The following HDHD3 variants were observed in gnomAD, a reference collection of about 807,000 sequenced individuals.
The protein encoded by HDHD3 is haloacid dehalogenase like hydrolase domain containing 3, also known as haloacid dehalogenase-like hydrolase domain-containing protein 3.
In HDHD3, 6 loss-of-function variants were observed where a neutral mutation model predicts 6.9. That is an observed-to-expected ratio of 0.87 (90% CI 0.48 to 1.72). The LOEUF (loss-of-function observed/expected upper bound fraction) is 1.72. Among genes scored for constraint, HDHD3 ranks in the 40% most tolerant of loss-of-function variants. The probability of loss-of-function intolerance (pLI) is 0.01; values close to 1 mark genes in which losing one functional copy is unlikely to be tolerated. For synonymous variants in HDHD3, 139 were observed against 140.7 expected (o/e 0.99, Z 0.08); for missense variants, 308 against 327.4 (o/e 0.94, Z 0.46).
intron 1 of HDHD3, chr9:113,376,244 T>A (rs1189284917): frequency 6.8e-6 from 1 of 147,792 alleles, no homozygotes; most frequent in Non-Finnish European, 1.5e-5. Flanking sequence ...GTATTTTTAG[T>A]AGAGACGGGG....
At position 113,373,538 on chromosome 9, in the gene HDHD3, C is replaced by G. The variant is rs1029425570; in HGVS notation, c.*61G>C. On this transcript the variant is annotated 3_prime_UTR_variant, in exon 3 of 3. Transcript: ENST00000374180. ...TGTGGAGAAAGAAGGGGCTCCCTGT[C>G]TCCAGGGTTTGTTTAAGGTTTTCTC... is the stretch of plus-strand genomic sequence containing the variant. 6.7e-7 allele frequency: 1 copy of G among 1,486,710 alleles called. No homozygotes were observed. Among genetic ancestry groups the G allele is most frequent in the Non-Finnish European group, 9.0e-7 (1 of 1,115,230 alleles). The allele number at this position is 1,486,710 out of a possible 1,614,324, so 92.1% of individuals were successfully genotyped here. A position where few individuals can be genotyped will look rare whatever the true frequency, so the allele number is the denominator to read the frequency against.
intron 2 of HDHD3, 119 bp from the exon 3 acceptor site, chr9:113,374,648 AAT>A: frequency 3.0e-6 from 1 of 337,406 alleles, no homozygotes; most frequent in Non-Finnish European, 5.4e-6. Context: ...ATCCACAACA[AAT>A]TTCTGAGCAC....
Position 113,373,583 on chromosome 9 carries a change from A to G in HDHD3, c.*16T>C. 1 of 1,539,870 alleles carries G rather than the reference A, an allele frequency of 6.5e-7. No individual in the cohort carries two copies. The highest frequency in any genetic ancestry group is 1.2e-5 in the South Asian group (1 of 80,402). The stretch of plus-strand genomic sequence containing the variant: ...TTTCTCCATGGCCTAGGGCCCAGCC[A>G]CTTCCCTCACTGGCCTCAAAGCCCT... On this transcript the variant is annotated 3_prime_UTR_variant, in exon 3 of 3. Coordinates refer to ENST00000374180, the MANE Select transcript of HDHD3 (RefSeq NM_001304509.2).
rs1834392940 is a variant in HDHD3, at chr9:113,373,901, C to T, written c.454G>A (p.Glu152Lys). The T allele has an allele frequency of 1.2e-6, 2 of 1,614,252 alleles. No individual in the cohort carries two copies. Among genetic ancestry groups the T allele is most frequent in the Admixed American group, 1.7e-5 (1 of 60,034 alleles). The change falls in exon 3 of 3, where the codon GAA becomes AAA. Residue 152 changes from glutamate (E) to lysine (K), a missense_variant. Transcript: ENST00000374180. ...GAGGTCAGCACAAAGTCGAAGTGTT[C>T]ACGCAGGCCAAGGCCCCCCAGGATG... ...EGILGGLGLR[E>K]HFDFVLTSEA... is the part of the protein sequence containing the mutation.
Position 113,374,292 on chromosome 9 carries a change from G to C in HDHD3, c.63C>G (p.Leu21=), listed in dbSNP as rs1425104476. ...CATAGGCCTCCCCTAAGGGGTGGCG[G>C]AGCCTGAGCAGCGTGTCCTTCACAT... ...TWDVKDTLLR[L]RHPLGEAYAT... The change falls in exon 3 of 3, where the codon CTC becomes CTG. Residue 21 remains leucine, a synonymous_variant. Transcript: ENST00000374180. 6.5e-7 allele frequency: 1 copy of C among 1,548,730 alleles called. No individual in the cohort carries two copies. The highest frequency in any genetic ancestry group is 2.0e-5 in the Admixed American group (1 of 48,906).
chr9:113,375,160 G>A (rs1212597237), intron 2 of HDHD3, among the ~76,000 whole-genome samples: 1 of 152,210 alleles, frequency 6.6e-6, no homozygotes, highest in Non-Finnish European at 1.5e-5. Flanking sequence ...TGGGATTACA[G>A]GCATGAGCCA....
chr9:113,374,309 C>A lies in HDHD3; in HGVS notation c.46G>T (p.Asp16Tyr), dbSNP rs368863020. Residue 16 changes from aspartate (D) to tyrosine (Y), a missense_variant, in exon 3 of 3, where the codon GAC (aspartate) becomes TAC (tyrosine). Physicochemically the swap from Asp to Tyr is radical, Grantham distance 160 (BLOSUM62 -3). Transcript: ENST00000374180. Reference protein sequence around the residue: ...QIRLLTWDVKDTLLRLRHPLG... With the variant: ...QIRLLTWDVKYTLLRLRHPLG... ...GGGTGGCGGAGCCTGAGCAGCGTGT[C>A]CTTCACATCCCACGTCAGCAGTCGT... 2 of 1,530,906 alleles carry A rather than the reference C, an allele frequency of 1.3e-6. No individual in the cohort carries two copies. The highest frequency in any genetic ancestry group is 4.2e-5 in the Admixed American group (2 of 47,142). 94.8% of individuals were successfully genotyped at this position (1,530,906 alleles called of 1,614,324 possible). A position where few individuals can be genotyped will look rare whatever the true frequency, so the allele number is the denominator to read the frequency against.
chr9:113,374,873 TA>T (rs1360536063), intron 2 of HDHD3, among the ~76,000 whole-genome samples: 5 of 151,940 alleles, frequency 3.3e-5, no homozygotes, highest in Non-Finnish European at 7.4e-5. Flanking sequence ...TCTTTTTATT[TA>T]TTTTTTTTAA....
In HDHD3 at chr9:113,374,161, A is replaced by C. The variant is rs756797533; in HGVS notation, c.194T>G (p.Leu65Arg). The change falls in exon 3 of 3, where the codon CTG becomes CGG. Residue 65 changes from leucine (L) to arginine (R), a missense_variant. Transcript: ENST00000374180. ...AQSHSFPNYG[L>R]SHGLTSRQWW... is the part of the protein sequence containing the mutation. ...CTGGCGGGAGGTTAGGCCGTGGCTC[A>C]GGCCGTAGTTGGGGAAGCTGTGGCT... 33 of 1,595,420 alleles carry C rather than the reference A, an allele frequency of 2.1e-5. No homozygotes were observed.
intron 2 of HDHD3, 62 bp downstream of exon 2, chr9:113,375,391 A>C (rs986040265): frequency 6.6e-6 from 1 of 152,266 alleles, no homozygotes; most frequent in African/African-American, 2.4e-5. Flanking sequence ...CTTGCAGAGC[A>C]TATGAACGAT....
Position 113,374,428 on chromosome 9 carries a change from A to T in HDHD3, c.-74T>A. On this transcript the variant is annotated 5_prime_UTR_variant, in exon 3 of 3. Transcript: ENST00000374180. ...CCCAGGGGAAGCTGAGCTGGATAAG[A>T]CCACCTCTGCGCAACCTAACAATCA... 7.2e-7 allele frequency: 1 copy of T among 1,385,060 alleles called. No individual in the cohort carries two copies. Among genetic ancestry groups the T allele is most frequent in the South Asian group, 1.7e-5 (1 of 59,522 alleles). 85.8% of individuals were successfully genotyped at this position (1,385,060 alleles called of 1,614,324 possible). A position where few individuals can be genotyped will look rare whatever the true frequency, so the allele number is the denominator to read the frequency against.
At chr9:113,375,956 G>C (rs947890015) in intron 1 of HDHD3, 1 of 151,600 alleles carries the variant, frequency 6.6e-6, no homozygotes, top group Admixed American at 6.6e-5. Flanking sequence ...CAGAGACCCA[G>C]TGAGGGGCAG....
At chr9:113,376,132 C>T (rs1834454824) in intron 1 of HDHD3, 1 of 148,502 alleles carries the variant, frequency 6.7e-6, no homozygotes, top group Non-Finnish European at 1.5e-5. Context: ...TCTCGGCTCA[C>T]TGCAACCTCC....
At position 113,373,797 on chromosome 9, in the gene HDHD3, C is replaced by A. The variant is rs1353316431; in HGVS notation, c.558G>T (p.Val186=). ...GGTAATTATCCCCAACATGGGCTGC[C>A]ACTACTGGTTCCATATGAGCAAGCC... is the stretch of plus-strand genomic sequence containing the variant. ...ALRLAHMEPV[V]AAHVGDNYLC... Residue 186 remains valine, a synonymous_variant, in exon 3 of 3, where the codon GTG becomes GTT. Coordinates refer to ENST00000374180, the MANE Select transcript of HDHD3 (RefSeq NM_001304509.2). 2 of 1,612,642 alleles carry A rather than the reference C, an allele frequency of 1.2e-6. No homozygotes were observed. The highest frequency in any genetic ancestry group is 1.7e-6 in the Non-Finnish European group (2 of 1,178,860).
Position 113,373,879 on chromosome 9 carries a change from G to T in HDHD3, c.476C>A (p.Thr159Asn), listed in dbSNP as rs1454862698. The T allele has an allele frequency of 1.2e-6, 2 of 1,614,160 alleles. No homozygotes were observed. Among genetic ancestry groups the T allele is most frequent in the East Asian group, 4.5e-5 (2 of 44,902 alleles). Residue 159 changes from threonine (T) to asparagine (N), a missense_variant, in exon 3 of 3, where the codon ACC becomes AAC. Transcript: ENST00000374180. ...CTTGGGCCAGCCAGCAGCCTCGGAG[G>T]TCAGCACAAAGTCGAAGTGTTCACG... The part of the protein sequence containing the change: ...GLREHFDFVL[T>N]SEAAGWPKPD...
rs1348737434 is a variant in HDHD3 at position 113,374,390 on chromosome 9, T to G, written c.-36A>C. The G allele has an allele frequency of 1.3e-6, 2 of 1,494,276 alleles. No homozygotes were observed. Among genetic ancestry groups the G allele is most frequent in the Admixed American group, 2.3e-5 (1 of 43,138 alleles). The allele number at this position is 1,494,276 out of a possible 1,614,324, so 92.6% of individuals were successfully genotyped here. A position where few individuals can be genotyped will look rare whatever the true frequency, so the allele number is the denominator to read the frequency against. On this transcript the variant is annotated 5_prime_UTR_variant, in exon 3 of 3. Coordinates refer to ENST00000374180, the MANE Select transcript of HDHD3 (RefSeq NM_001304509.2). ...AAGTCCACCCCAGTTCTGCCTCAGG[T>G]CCCACGGTGGGTCCCAGGGGAAGCT...
Position 113,373,590 on chromosome 9 carries a change from T to C in HDHD3, c.*9A>G. 2 of 1,545,274 alleles carry C rather than the reference T, an allele frequency of 1.3e-6. No individual in the cohort carries two copies. Among genetic ancestry groups the C allele is most frequent in the Non-Finnish European group, 1.7e-6 (2 of 1,146,670 alleles). ...ATGGCCTAGGGCCCAGCCACTTCCCTCACTGGCCTCAAAGCCCTGGAGTTG... is the reference window on the plus strand; with the variant it reads ...ATGGCCTAGGGCCCAGCCACTTCCCCCACTGGCCTCAAAGCCCTGGAGTTG... On this transcript the variant is annotated 3_prime_UTR_variant, in exon 3 of 3. Transcript: ENST00000374180.
intron 2 of HDHD3, 31 bp downstream of exon 2, chr9:113,375,422 T>C (rs930645251): frequency 6.6e-6 from 1 of 152,036 alleles, no homozygotes; most frequent in Non-Finnish European, 1.5e-5. Flanking sequence ...CTGGGCAGAG[T>C]AGACTGAGCC....
chr9:113,376,664 C>G (rs538944494), intron 1 of HDHD3, 65 bp downstream of exon 1: 1 of 151,508 alleles, frequency 6.6e-6, no homozygotes, highest in Non-Finnish European at 1.5e-5. Context: ...CCGCGCCCGG[C>G]AGGGCTTTTT....
Sources: allele counts gnomAD v4.1 joint callset (sites outside exome capture counted in the v4.1 genomes callset), GRCh38; gene constraint gnomAD v4.1.1; transcripts MANE v1.5; gene names NCBI Gene and HGNC (gene_info 2026-07-23, HGNC 2026-07-21).